The following HLCS variants were observed in gnomAD, a reference collection of about 807,000 sequenced individuals.
HLCS encodes the protein biotin--protein ligase.
In HLCS, 53 loss-of-function variants were observed where a neutral mutation model predicts 75.0. The observed-to-expected ratio is 0.71, with a 90% CI of 0.57 to 0.89. The LOEUF is 0.89. Ranked by LOEUF, HLCS falls within the 40% of genes least tolerant of loss-of-function variation. The probability of loss-of-function intolerance (pLI) is 0.00; values close to 1 mark genes in which losing one functional copy is unlikely to be tolerated. For synonymous variants in HLCS, 431 were observed against 428.6 expected, an observed-to-expected ratio of 1.01 and a Z score of -0.07; for missense variants, 966 against 1,074.0, an observed-to-expected ratio of 0.90 and a Z score of 1.41.
intron 6 of HLCS, among the ~76,000 whole-genome samples, chr21:36,843,417 G>T (rs528437708): frequency 6.6e-6 from 1 of 152,014 alleles, no homozygotes; most frequent in South Asian, 2.1e-4. Flanking sequence ...TAGCCTGGGC[G>T]ACAGAGAGAG....
upstream of HLCS, chr21:36,968,874 G>A (rs2068711118): frequency 6.6e-6 from 1 of 152,118 alleles, no homozygotes; most frequent in Non-Finnish European, 1.5e-5. Flanking sequence ...ATTCCCTAAG[G>A]GTTTTGAGAC....
At chr21:36,901,262 GA>G (rs964599014) in intron 5 of HLCS, among the ~76,000 whole-genome samples, 3 of 149,094 alleles carry the variant, frequency 2.0e-5, no homozygotes, top group South Asian at 4.3e-4. Flanking sequence ...TTTAAAAAAG[GA>G]AAAAAAAAAT....
At chr21:36,892,217 C>T (rs999224104) in intron 6 of HLCS, among the ~76,000 whole-genome samples, 2 of 152,198 alleles carry the variant, frequency 1.3e-5, no homozygotes, top group African/African-American at 4.8e-5. Flanking sequence ...TCCCAGCAAG[C>T]GGGTTTTGGA....
chr21:36,778,021 T>G (rs947142757), intron 6 of HLCS, among the ~76,000 whole-genome samples: 1 of 152,210 alleles, frequency 6.6e-6, no homozygotes, highest in Non-Finnish European at 1.5e-5. Flanking sequence ...CAGGCTGGAG[T>G]GCAGTGGCAC....
At chr21:36,862,841 C>A (rs1350468141) in intron 6 of HLCS, among the ~76,000 whole-genome samples, 2 of 152,230 alleles carry the variant, frequency 1.3e-5, no homozygotes, top group South Asian at 2.1e-4. Flanking sequence ...GGAAGGAATT[C>A]AGCAATGGCA....
intron 6 of HLCS, among the ~76,000 whole-genome samples, chr21:36,794,540 G>A (rs1199424188): frequency 6.6e-6 from 1 of 152,142 alleles, no homozygotes; most frequent in Non-Finnish European, 1.5e-5. Flanking sequence ...GTATGGGGTT[G>A]GGGGGAATAG....
chr21:36,940,184 T>C (rs1342601013), intron 2 of HLCS, among the ~76,000 whole-genome samples: 1 of 152,228 alleles, frequency 6.6e-6, no homozygotes, highest in Non-Finnish European at 1.5e-5. Flanking sequence ...TTTTATTAGC[T>C]GTCACAAATG....
intron 6 of HLCS, among the ~76,000 whole-genome samples, chr21:36,831,037 C>A (rs1169112619): frequency 6.6e-6 from 1 of 152,100 alleles, no homozygotes; most frequent in East Asian, 1.9e-4. Context: ...CTGATAACCA[C>A]CTTTATTTCC....
intron 6 of HLCS, among the ~76,000 whole-genome samples, chr21:36,793,653 G>A (rs1352314647): frequency 1.3e-5 from 2 of 152,144 alleles, no homozygotes; most frequent in African/African-American, 2.4e-5. Context: ...AAAAAGTGGA[G>A]TGAGTAAGCT....
intron 6 of HLCS, among the ~76,000 whole-genome samples, chr21:36,807,208 A>T (rs972468782): frequency 6.6e-6 from 1 of 152,130 alleles, no homozygotes; most frequent in Non-Finnish European, 1.5e-5. Flanking sequence ...AGAGCATGAA[A>T]ACCTGAGGAC....
chr21:36,809,546 C>A (rs886211828), intron 6 of HLCS, among the ~76,000 whole-genome samples: 3 of 152,050 alleles, frequency 2.0e-5, no homozygotes, highest in Admixed American at 2.0e-4. Flanking sequence ...TCCATTTTCT[C>A]TTTTTCCTCT....
intron 6 of HLCS, among the ~76,000 whole-genome samples, chr21:36,839,021 G>T (rs890800098): frequency 2.1e-5 from 3 of 141,668 alleles, no homozygotes; most frequent in East Asian, 3.9e-4. Flanking sequence ...CAGATACACA[G>T]ATATATTACT....
intron 2 of HLCS, among the ~76,000 whole-genome samples, chr21:36,954,396 C>T (rs577797913): frequency 4.0e-5 from 6 of 151,650 alleles, no homozygotes; most frequent in South Asian, 4.2e-4. Context: ...AGGCAGATCA[C>T]GAGGTCAGGA....
At chr21:36,972,498 T>G (rs2146713525) in intron 1 of HLCS, among the ~76,000 whole-genome samples, 1 of 152,254 alleles carries the variant, frequency 6.6e-6, no homozygotes, top group Admixed American at 6.5e-5. Context: ...TAAGTAGGAT[T>G]CACTGTCTCC....
At chr21:36,858,895 T>A (rs1306730387) in intron 6 of HLCS, among the ~76,000 whole-genome samples, 2 of 152,142 alleles carry the variant, frequency 1.3e-5, no homozygotes, top group Non-Finnish European at 2.9e-5. Flanking sequence ...CATCATCCCC[T>A]CCCCAGGCTT....
intron 6 of HLCS, among the ~76,000 whole-genome samples, chr21:36,831,713 T>C (rs1179087664): frequency 1.3e-5 from 2 of 152,200 alleles, no homozygotes; most frequent in Non-Finnish European, 2.9e-5. Flanking sequence ...AATAAAGTTA[T>C]TGTATCACAG....
At position 36,767,873 on chromosome 21, in the gene HLCS, C is replaced by T. The variant is rs114002642; in HGVS notation, c.1893-588G>A. 2.7e-3 allele frequency among the ~76,000 whole-genome samples: 411 copies of T among 152,276 alleles called. 2 individuals are homozygous for T. Among genetic ancestry groups the T allele is most frequent in the African/African-American group, 9.6e-3 (398 of 41,562 alleles). Reference sequence around the variant, plus strand: ...ACGCAGGAGAACTCTGCATCGTTTTCGGCTTCAGTCCTGCTTTTAAAATGG... The same window carrying T: ...ACGCAGGAGAACTCTGCATCGTTTTTGGCTTCAGTCCTGCTTTTAAAATGG... On this transcript the variant is annotated intron_variant, in intron 6 of 10. Coordinates refer to ENST00000674895, the MANE Select transcript of HLCS (RefSeq NM_001352514.2).
At chr21:36,812,002 G>A (rs996737223) in intron 6 of HLCS, among the ~76,000 whole-genome samples, 4 of 152,158 alleles carry the variant, frequency 2.6e-5, no homozygotes, top group African/African-American at 4.8e-5. Context: ...GGCATCCTGT[G>A]AGTCTTTATT....
chr21:36,761,875 C>T (rs558207181), intron 8 of HLCS, among the ~76,000 whole-genome samples: 3 of 152,360 alleles, frequency 2.0e-5, no homozygotes, highest in East Asian at 1.9e-4. Context: ...GTTCCCAGAG[C>T]TGTCAAGCTC....
Sources: gnomAD v4.1 joint callset for allele counts (sites outside exome capture counted in the v4.1 genomes callset) on GRCh38, gnomAD v4.1.1 for gene constraint, MANE v1.5 for transcripts, NCBI Gene and HGNC (gene_info 2026-07-23, HGNC 2026-07-21) for gene names.